Variants in TPP1 observed in about 807,000 individuals in gnomAD.
TPP1 encodes the protein tripeptidyl peptidase 1, also known as tripeptidyl-peptidase 1.
TPP1 carries 43 observed loss-of-function variants against 67.6 expected under a neutral mutation model. That is an observed-to-expected ratio of 0.64 (90% CI 0.50 to 0.82). The LOEUF (loss-of-function observed/expected upper bound fraction) is 0.82, where lower values mean the gene tolerates loss of function less well. TPP1 is among the 40% of genes least tolerant of loss of function. TPP1 has a pLI of 0.00. For synonymous variants in TPP1, 272 were observed against 281.5 expected, an observed-to-expected ratio of 0.97 and a Z score of 0.34; for missense variants, 671 against 710.9, an observed-to-expected ratio of 0.94 and a Z score of 0.64.
chr11:6,619,012 A>G, intron 2 of TPP1, 97 bp from the exon 3 acceptor site: 1 of 1,556,152 alleles, frequency 6.4e-7, no homozygotes, highest in Non-Finnish European at 8.8e-7. Context: ...GACCTTGGGG[A>G]GGATCCTAGG....
chr11:6,617,528 G>C, intron 4 of TPP1, 98 bp downstream of exon 4: 1 of 1,612,666 alleles, frequency 6.2e-7, no homozygotes, highest in Non-Finnish European at 8.5e-7. Context: ...CCATGCATTA[G>C]CTCCCACCCA....
chr11:6,618,316 G>A (rs565593423), intron 3 of TPP1: 1 of 344,156 alleles, frequency 2.9e-6, no homozygotes, highest in South Asian at 2.7e-5. Flanking sequence ...GACTGTTGGA[G>A]AGACTGTTTT....
intron 12 of TPP1, 62 bp from the exon 13 acceptor site, chr11:6,614,748 C>T (rs1329466513): frequency 6.2e-7 from 1 of 1,613,764 alleles, no homozygotes; most frequent in African/African-American, 1.3e-5. Flanking sequence ...GAGTATATCT[C>T]CTCACCCTGT....
At chr11:6,616,559 G>A (rs1288342964) in intron 7 of TPP1, 56 bp from the exon 8 acceptor site, 63 of 1,595,500 alleles carry the variant, frequency 3.9e-5, no homozygotes, top group Non-Finnish European at 5.0e-5. Context: ...GTCACTGGGG[G>A]TTGTCAGGAT....
Position 6,614,358 on chromosome 11 carries a change from C to T in TPP1, c.*188G>A. 1 of 727,028 alleles carries T rather than the reference C, an allele frequency of 1.4e-6. No homozygotes were observed. The highest frequency in any genetic ancestry group is 2.3e-6 in the Non-Finnish European group (1 of 441,774). 45.0% of individuals were successfully genotyped at this position (727,028 alleles called of 1,614,324 possible). A position where few individuals can be genotyped will look rare whatever the true frequency, so the allele number is the denominator to read the frequency against. On this transcript the variant is annotated 3_prime_UTR_variant, in exon 13 of 13. Coordinates refer to ENST00000299427, the MANE Select transcript of TPP1 (RefSeq NM_000391.4). ...GGAATCTAAGGCAGGAGTAGGGAGA[C>T]CTGAGTATGATGGAGCATGGTAGGG...
In TPP1 at chr11:6,617,614, A is replaced by G. The variant is rs755295876; in HGVS notation, c.380+12T>C. The G allele has an allele frequency of 3.1e-6, 5 of 1,613,880 alleles. No homozygotes were observed. In the South Asian group the frequency reaches 4.4e-5, roughly 14 times the overall value. On this transcript the variant is annotated intron_variant, in intron 4 of 12. Coordinates refer to ENST00000299427, the MANE Select transcript of TPP1 (RefSeq NM_000391.4). ...GACTGGTGCCCTCCATGGAGCAATCATTTCCTCTCACCGGATGCTCAGCCA... is the reference window on the plus strand; with the variant it reads ...GACTGGTGCCCTCCATGGAGCAATCGTTTCCTCTCACCGGATGCTCAGCCA...
chr11:6,618,175 C>G (rs776948371), intron 3 of TPP1: 12 of 351,008 alleles, frequency 3.4e-5, no homozygotes, highest in Non-Finnish European at 6.0e-5. Flanking sequence ...AAGCTTAACA[C>G]GATGGTGAGT....
At chr11:6,617,933 A>G in intron 3 of TPP1, 157 bp from the exon 4 acceptor site, 1 of 998,074 alleles carries the variant, frequency 1.0e-6, no homozygotes, top group Non-Finnish European at 1.5e-6. Context: ...GAAGCAGAGG[A>G]AGAAAAGGCT....
At position 6,614,533 on chromosome 11, in the gene TPP1, T is replaced by G. The variant is rs774621082; in HGVS notation, c.*13A>C. 1.9e-6 allele frequency: 3 copies of G among 1,614,174 alleles called. No homozygotes were observed. The highest frequency in any genetic ancestry group is 2.5e-6 in the Non-Finnish European group (3 of 1,180,032). On this transcript the variant is annotated 3_prime_UTR_variant, in exon 13 of 13. Transcript: ENST00000299427. ...AGGGCAGGGGACAAGCCATCTCTCC[T>G]GATAGGAAAGGGTCAGGGGTTGAGT...
intron 3 of TPP1, 135 bp downstream of exon 3, chr11:6,618,641 A>C (rs1231999430): frequency 2.4e-6 from 3 of 1,253,472 alleles, no homozygotes; most frequent in Non-Finnish European, 3.4e-6. Context: ...ATACTGAACC[A>C]CATCCCCTTT....
chr11:6,616,531 G>A, intron 7 of TPP1, 28 bp from the exon 8 acceptor site: 7 of 1,569,134 alleles, frequency 4.5e-6, no homozygotes, highest in Non-Finnish European at 6.0e-6. Context: ...TTTTTTTTGA[G>A]GGATGGGCAC....
intron 1 of TPP1, 34 bp from the exon 2 acceptor site, chr11:6,619,301 T>C: frequency 6.2e-7 from 1 of 1,614,048 alleles, no homozygotes; most frequent in Non-Finnish European, 8.5e-7. Flanking sequence ...CAGTGGGAGC[T>C]ACGTTGTCCT....
rs1564854446 is a variant in TPP1, at chr11:6,615,500, A to G, written c.1208T>C (p.Ile403Thr). The change falls in exon 10 of 13, where the codon ATT (isoleucine) becomes ACT (threonine). Residue 403 changes from isoleucine to threonine, a missense_variant. Transcript: ENST00000299427. The stretch of plus-strand genomic sequence containing the variant: ...GCCACCACCACTGATATAGTCAACA[A>G]TTTCATTTGTGATGAGGAAAGGTTC... The part of the protein sequence containing the change: ...FQEPFLITNE[I>T]VDYISGGGFS... The G allele has an allele frequency of 2.5e-6, 4 of 1,614,160 alleles. No homozygotes were observed. The highest frequency in any genetic ancestry group is 2.5e-6 in the Non-Finnish European group (3 of 1,180,034).
rs1338145086 is a variant in TPP1 at position 6,618,900 on chromosome 11, C to G, written c.105G>C (p.Trp35Cys). Residue 35 changes from tryptophan (W) to cysteine (C), a missense_variant, in exon 3 of 13, where the codon TGG becomes TGC. Coordinates refer to ENST00000299427, the MANE Select transcript of TPP1 (RefSeq NM_000391.4). ...PDQRRTLPPGWVSLGRADPEE... is the reference protein window; with the variant it reads ...PDQRRTLPPGCVSLGRADPEE... ...CAGGGTCCGCACGGCCCAGGGACAC[C>G]CAGCCTGGGGGCAGCCTGTAGGGTC... 1.2e-6 allele frequency: 2 copies of G among 1,613,530 alleles called. No individual in the cohort carries two copies. Among genetic ancestry groups the G allele is most frequent in the Non-Finnish European group, 1.7e-6 (2 of 1,180,026 alleles).
Position 6,618,757 on chromosome 11 carries a change from C to A in TPP1, c.229+19G>T. On this transcript the variant is annotated intron_variant, in intron 3 of 12. Coordinates refer to ENST00000299427, the MANE Select transcript of TPP1 (RefSeq NM_000391.4). ...CCCTCCACCGCATCCCACATCCTGTCCTCAGTCCCAAAAGGCACCGTATTG... is the reference window on the plus strand; with the variant it reads ...CCCTCCACCGCATCCCACATCCTGTACTCAGTCCCAAAAGGCACCGTATTG... The A allele has an allele frequency of 6.2e-7, 1 of 1,613,264 alleles. No individual in the cohort carries two copies. Among genetic ancestry groups the A allele is most frequent in the Non-Finnish European group, 8.5e-7 (1 of 1,180,040 alleles).
At chr11:6,618,502 G>A in intron 3 of TPP1, 3 of 596,942 alleles carry the variant, frequency 5.0e-6, no homozygotes, top group East Asian at 5.6e-5. Context: ...GGCAGCCTTA[G>A]TATGTGAACA....
chr11:6,613,250 C>A lies in TPP1; in HGVS notation c.*1296G>T, dbSNP rs969240105. 1.3e-5 allele frequency: 2 copies of A among 152,180 alleles called. No individual in the cohort carries two copies. The highest frequency in any genetic ancestry group is 4.8e-5 in the African/African-American group (2 of 41,430). 9.4% of individuals were successfully genotyped at this position (152,180 alleles called of 1,614,324 possible). ...AAACATTCACGAAAGAAGGTGACTT[C>A]TGAACTGAGTCTTGCAAGAATTCTG... On this transcript the variant is annotated 3_prime_UTR_variant, in exon 13 of 13. Transcript: ENST00000299427.
At position 6,615,491 on chromosome 11, in the gene TPP1, T is replaced by G. The variant is rs780670020; in HGVS notation, c.1217A>C (p.Tyr406Ser). Residue 406 changes from tyrosine (Y) to serine (S), a missense_variant, in exon 10 of 13, where the codon TAT (tyrosine) becomes TCT (serine). Coordinates refer to ENST00000299427, the MANE Select transcript of TPP1 (RefSeq NM_000391.4). Reference protein sequence around the residue: ...PFLITNEIVDYISGGGFSNVF... With the variant: ...PFLITNEIVDSISGGGFSNVF... ...ATTGCTGAAGCCACCACCACTGATA[T>G]AGTCAACAATTTCATTTGTGATGAG... 1 of 1,614,158 alleles carries G rather than the reference T, an allele frequency of 6.2e-7. No individual in the cohort carries two copies. Among genetic ancestry groups the G allele is most frequent in the Non-Finnish European group, 8.5e-7 (1 of 1,180,024 alleles).
rs1245220130 is a variant in TPP1, at chr11:6,614,974, A to G, written c.1443T>C (p.Phe481=). Residue 481 remains phenylalanine (F), a synonymous_variant, in exon 12 of 13, where the codon TTT becomes TTC. Coordinates refer to ENST00000299427, the MANE Select transcript of TPP1 (RefSeq NM_000391.4). ...VSGTSASTPV[F]GGILSLINEH... is the part of the protein sequence containing the mutation. ...CATTGATCAAGGATAGGATCCCCCC[A>G]AACACTGGAGTAGAGGCCTACAAGA... The G allele has an allele frequency of 1.9e-6, 3 of 1,614,054 alleles. No individual in the cohort carries two copies. The East Asian group carries it at 6.7e-5, about 36-fold the overall frequency.
Sources: allele counts gnomAD v4.1 joint callset, GRCh38; gene constraint gnomAD v4.1.1; transcripts MANE v1.5; gene names NCBI Gene and HGNC (gene_info 2026-07-23, HGNC 2026-07-21).